The following MACF1 variants were observed in gnomAD, a reference collection of about 807,000 sequenced individuals.
The protein encoded by MACF1 is microtubule-actin cross-linking factor 1.
In MACF1, 193 loss-of-function variants were observed where a neutral mutation model predicts 854.8. That is an observed-to-expected ratio of 0.23 (90% CI 0.20 to 0.25). The LOEUF is 0.25. MACF1 is among the 10% of genes least tolerant of loss of function. MACF1 has a pLI of 1.00. For synonymous variants in MACF1, 3,185 were observed against 3,226.7 expected (o/e 0.99, Z 0.44); for missense variants, 7,722 against 8,929.1 (o/e 0.86, Z 5.45).
At chr1:39,095,509 G>T (rs918956149) in intron 2 of MACF1, among the ~76,000 whole-genome samples, 5 of 142,326 alleles carry the variant, frequency 3.5e-5, no homozygotes, top group Non-Finnish European at 6.0e-5. Context: ...GTTGCAGTGA[G>T]CTGAGATCGC....
chr1:39,254,524 T>C (rs1645076801), intron 5 of MACF1, 149 bp downstream of exon 5: 2 of 659,218 alleles, frequency 3.0e-6, no homozygotes, highest in Non-Finnish European at 5.4e-6. Flanking sequence ...AGTGAGCAAT[T>C]GTATTCTGGT....
chr1:39,198,058 C>T (rs1293128074), intron 2 of MACF1, among the ~76,000 whole-genome samples: 2 of 151,196 alleles, frequency 1.3e-5, no homozygotes, highest in South Asian at 2.1e-4. Flanking sequence ...ATTAGCCAGA[C>T]GTGGTGGCAC....
At chr1:39,443,900 G>A (rs1644169915) in intron 79 of MACF1, among the ~76,000 whole-genome samples, 1 of 152,134 alleles carries the variant, frequency 6.6e-6, no homozygotes, top group Non-Finnish European at 1.5e-5. Flanking sequence ...ACTTAAGGGG[G>A]GTTTAGGGAA....
In MACF1 at chr1:39,122,785, T is replaced by A. The variant is rs1274838918; in HGVS notation, c.220+38347T>A. On this transcript the variant is annotated intron_variant, in intron 2 of 93. Transcript: ENST00000361689. Reference sequence around the variant, plus strand: ...AAATAACCCATAGTTTCCAGTTTATTCCAGAAGCATTCTCGCCAGAGTCAC... The same window carrying A: ...AAATAACCCATAGTTTCCAGTTTATACCAGAAGCATTCTCGCCAGAGTCAC... Among the ~76,000 whole-genome samples, 5 of 152,294 alleles carry A rather than the reference T, an allele frequency of 3.3e-5. No individual in the cohort carries two copies. In the East Asian group the frequency reaches 7.7e-4, roughly 24 times the overall value.
At chr1:39,435,837 T>C (rs1643961370) in intron 70 of MACF1, 76 bp downstream of exon 70, 2 of 1,343,416 alleles carry the variant, frequency 1.5e-6, no homozygotes, top group Non-Finnish European at 2.1e-6. Context: ...CAGGTATGTC[T>C]CTGTGCTCAG....
chr1:39,407,074 T>C (rs935604057), intron 58 of MACF1, among the ~76,000 whole-genome samples: 2 of 152,234 alleles, frequency 1.3e-5, no homozygotes, highest in African/African-American at 4.8e-5. Flanking sequence ...CTGAACAAAC[T>C]GCAGAAGATT....
intron 57 of MACF1, among the ~76,000 whole-genome samples, chr1:39,386,509 G>C (rs1641792196): frequency 6.6e-6 from 1 of 150,800 alleles, no homozygotes; most frequent in Non-Finnish European, 1.5e-5. Context: ...TTGGATCACT[G>C]CAACCTCCGC....
intron 22 of MACF1, among the ~76,000 whole-genome samples, chr1:39,301,226 A>C (rs1207388260): frequency 6.6e-6 from 1 of 151,852 alleles, no homozygotes; most frequent in African/African-American, 2.4e-5. Context: ...TCCCGGGTTC[A>C]TGCCATTCTC....
At chr1:39,414,912 T>C (rs1643228914) in intron 58 of MACF1, among the ~76,000 whole-genome samples, 1 of 152,230 alleles carries the variant, frequency 6.6e-6, no homozygotes. Flanking sequence ...CTAACCACTC[T>C]GGGAAAATTA....
intron 2 of MACF1, among the ~76,000 whole-genome samples, chr1:39,187,003 G>C (rs1351844204): frequency 7.6e-6 from 1 of 132,000 alleles, no homozygotes; most frequent in African/African-American, 2.6e-5. Flanking sequence ...TTTTTTTTTG[G>C]TTTTGAACAT....
At chr1:39,476,336 C>T (rs1369939418) in intron 97 of MACF1, among the ~76,000 whole-genome samples, 2 of 151,786 alleles carry the variant, frequency 1.3e-5, no homozygotes, top group African/African-American at 4.8e-5. Context: ...TTTGGGAGGC[C>T]GAGGCGGGCA....
intron 2 of MACF1, among the ~76,000 whole-genome samples, chr1:39,085,652 A>C (rs1247022025): frequency 2.0e-5 from 3 of 152,198 alleles, no homozygotes; most frequent in African/African-American, 7.2e-5. Context: ...TGCCTGTACA[A>C]CACTTCATTA....
At chr1:39,346,946 GT>G in intron 40 of MACF1, 30 bp from the exon 41 acceptor site, 1 of 1,455,328 alleles carries the variant, frequency 6.9e-7, no homozygotes, top group Admixed American at 1.9e-5. Flanking sequence ...ATGGTTTTTT[GT>G]GTTTTGTTTC....
At chr1:39,480,782 A>G (rs1644998818) in intron 98 of MACF1, 138 bp from the exon 99 acceptor site, 2 of 613,190 alleles carry the variant, frequency 3.3e-6, no homozygotes, top group Non-Finnish European at 5.9e-6. Flanking sequence ...ATCCTGATGG[A>G]CCAACATGCA....
intron 68 of MACF1, among the ~76,000 whole-genome samples, chr1:39,434,190 CTT>C (rs1309450770): frequency 6.6e-6 from 1 of 151,600 alleles, no homozygotes; most frequent in African/African-American, 2.4e-5. Context: ...AAACTTTTAT[CTT>C]TTAAAAATTA....
intron 3 of MACF1, among the ~76,000 whole-genome samples, chr1:39,250,429 G>A (rs1557544138): frequency 6.6e-6 from 1 of 151,920 alleles, no homozygotes; most frequent in Non-Finnish European, 1.5e-5. Flanking sequence ...ATGTTTAAAG[G>A]TTTTTTTGAA....
intron 72 of MACF1, among the ~76,000 whole-genome samples, chr1:39,440,111 C>CTTTTT (rs774399403): frequency 0.032 from 2,063 of 64,186 alleles, 182 homozygotes; most frequent in African/African-American, 0.089. Context: ...CTTTTCTTTT[C>CTTTTT]TTTTTTTTTT....
At chr1:39,314,100 A>G (rs942252035) in intron 26 of MACF1, among the ~76,000 whole-genome samples, 9 of 152,186 alleles carry the variant, frequency 5.9e-5, no homozygotes, top group African/African-American at 2.2e-4. Flanking sequence ...TTATAGGCCC[A>G]CTTAGCAGAC....
At chr1:39,274,750 C>T (rs1158070353) in intron 6 of MACF1, among the ~76,000 whole-genome samples, 1 of 152,154 alleles carries the variant, frequency 6.6e-6, no homozygotes, top group African/African-American at 2.4e-5. Context: ...AATTCTGCAA[C>T]TTACTAGCAG....
Sources: allele counts gnomAD v4.1 joint callset (sites outside exome capture counted in the v4.1 genomes callset), GRCh38; gene constraint gnomAD v4.1.1; transcripts MANE v1.5; gene names NCBI Gene and HGNC (gene_info 2026-07-23, HGNC 2026-07-21).